The following ACADS variants were observed in gnomAD, a reference collection of about 807,000 sequenced individuals.
ACADS encodes the protein short-chain specific acyl-CoA dehydrogenase, mitochondrial.
A neutral mutation model predicts 46.8 loss-of-function variants in ACADS; 28 were observed. That is an observed-to-expected ratio of 0.60 (90% CI 0.44 to 0.82). The LOEUF is 0.82. Ranked by LOEUF, ACADS falls within the 40% of genes least tolerant of loss-of-function variation. ACADS has a pLI of 0.00. For synonymous variants in ACADS, 236 were observed against 237.7 expected (o/e 0.99, Z 0.07); for missense variants, 528 against 578.0 (o/e 0.91, Z 0.89).
At position 120,726,940 on chromosome 12, in the gene ACADS, A is replaced by C; in HGVS notation, c.47-86A>C. On this transcript the variant is annotated intron_variant, in intron 1 of 9. Coordinates refer to ENST00000242592, the MANE Select transcript of ACADS (RefSeq NM_000017.4). ...TTGCCAGATGTCCCTTGGAGGGCAA[A>C]ATCCTCCCTGGTGAGTTAGTGGGTC... 3 of 1,526,512 alleles carry C rather than the reference A, an allele frequency of 2.0e-6. No homozygotes were observed. The South Asian group carries it at 3.4e-5, about 17-fold the overall frequency. The allele number at this position is 1,526,512 out of a possible 1,614,324, so 94.6% of individuals were successfully genotyped here.
chr12:120,734,378 G>A (rs1883360147), intron 2 of ACADS, among the ~76,000 whole-genome samples: 1 of 152,150 alleles, frequency 6.6e-6, no homozygotes, highest in African/African-American at 2.4e-5. Context: ...AGAGCTTGAT[G>A]TGCACTTGTG....
At chr12:120,729,203 G>A (rs914356634) in intron 2 of ACADS, among the ~76,000 whole-genome samples, 3 of 151,930 alleles carry the variant, frequency 2.0e-5, no homozygotes, top group African/African-American at 7.3e-5. Context: ...GGTCAGAAAC[G>A]ATGGACAAAC....
At chr12:120,730,658 A>G (rs1419989679) in intron 2 of ACADS, among the ~76,000 whole-genome samples, 1 of 152,166 alleles carries the variant, frequency 6.6e-6, no homozygotes, top group Non-Finnish European at 1.5e-5. Flanking sequence ...GGAGAGTTTC[A>G]TCCTTTTACT....
rs2136940528 is a variant in ACADS, at chr12:120,728,480, T to TG, written c.210+1291_210+1292insG. Among the ~76,000 whole-genome samples, 1 of 151,286 alleles carries TG rather than the reference T, an allele frequency of 6.6e-6. No homozygotes were observed. Among genetic ancestry groups the TG allele is most frequent in the African/African-American group, 2.4e-5 (1 of 41,360 alleles). Reference sequence around the variant, plus strand: ...GGCCTCTTCTCCTTGCCTGTTTTTTTTTTTAATTTTAATTTTAATTTATTT... The same window carrying TG: ...GGCCTCTTCTCCTTGCCTGTTTTTTTGTTTTAATTTTAATTTTAATTTATTT... On this transcript the variant is annotated intron_variant, in intron 2 of 9. Transcript: ENST00000242592. This position sits in a 1 kb window ranked among gnomAD's most constrained non-coding sequence, Gnocchi z 4.0.
chr12:120,734,777 A>T (rs1303116606), intron 2 of ACADS, among the ~76,000 whole-genome samples: 2 of 145,576 alleles, frequency 1.4e-5, no homozygotes, highest in African/African-American at 5.1e-5. Flanking sequence ...TTTGAGACAG[A>T]TTCTCGCTCT....
chr12:120,738,379 A>G lies in ACADS; in HGVS notation c.724A>G (p.Ile242Val). The G allele has an allele frequency of 6.2e-7, 1 of 1,613,856 alleles. No homozygotes were observed. The highest frequency in any genetic ancestry group is 8.5e-7 in the Non-Finnish European group (1 of 1,179,848). Residue 242 changes from isoleucine to valine, a missense_variant, in exon 6 of 10, where the codon ATC (isoleucine) becomes GTC (valine). Physicochemically the swap from Ile to Val is conservative, Grantham distance 29. Transcript: ENST00000242592. ...GIRGSSTANL[I>V]FEDCRIPKDS... ...CCGGGGCTCATCCACGGCCAACCTCATCTTTGAGGACTGTCGCATCCCCAA... is the reference window on the plus strand; with the variant it reads ...CCGGGGCTCATCCACGGCCAACCTCGTCTTTGAGGACTGTCGCATCCCCAA...
At position 120,725,834 on chromosome 12, in the gene ACADS, A is replaced by G; in HGVS notation, c.-52A>G. ...GGGTCCCGCCCCCCAGCACTCCGGA[A>G]CAGCGCGCTCGCAGCGGGAGGTCGC... is the stretch of plus-strand genomic sequence containing the variant. On this transcript the variant is annotated 5_prime_UTR_variant, in exon 1 of 10. Coordinates refer to ENST00000242592, the MANE Select transcript of ACADS (RefSeq NM_000017.4). 1 of 1,521,400 alleles carries G rather than the reference A, an allele frequency of 6.6e-7. No individual in the cohort carries two copies. Among genetic ancestry groups the G allele is most frequent in the Non-Finnish European group, 8.8e-7 (1 of 1,139,878 alleles). The allele number at this position is 1,521,400 out of a possible 1,614,324, so 94.2% of individuals were successfully genotyped here.
At chr12:120,727,632 G>A (rs773366310) in intron 2 of ACADS, among the ~76,000 whole-genome samples, 1 of 152,218 alleles carries the variant, frequency 6.6e-6, no homozygotes, top group Admixed American at 6.5e-5. Context: ...TGCCTCCTGA[G>A]TTCAAGTGAT....
chr12:120,738,634 C>T lies in ACADS; in HGVS notation c.897C>T (p.Ala299=). The stretch of plus-strand genomic sequence containing the variant: ...TGAACTACGCTGAGAATCGCATGGC[C>T]TTCGGGGCGCCCCTCACCAAGCTCC... ...CAVNYAENRM[A]FGAPLTKLQV... is the part of the protein sequence containing the mutation. Residue 299 remains alanine (A), a synonymous_variant, in exon 7 of 10, where the codon GCC becomes GCT. Transcript: ENST00000242592. The T allele has an allele frequency of 6.2e-7, 1 of 1,612,986 alleles. No individual in the cohort carries two copies.
intron 1 of ACADS, among the ~76,000 whole-genome samples, 183 bp from the exon 2 acceptor site, chr12:120,726,843 C>T (rs756057115): frequency 5.9e-5 from 9 of 152,134 alleles, no homozygotes; most frequent in Non-Finnish European, 1.0e-4. Flanking sequence ...GCAGGGATCC[C>T]GGACCCCTAT....
chr12:120,736,532 C>T (rs1883442036), intron 2 of ACADS, among the ~76,000 whole-genome samples: 1 of 152,188 alleles, frequency 6.6e-6, no homozygotes, highest in South Asian at 2.1e-4. Context: ...AGCAGCGAGG[C>T]CTGAGCTGCG....
intron 2 of ACADS, among the ~76,000 whole-genome samples, chr12:120,735,338 G>T (rs1236090317): frequency 7.2e-6 from 1 of 138,048 alleles, no homozygotes; most frequent in Non-Finnish European, 1.5e-5. Context: ...GAGTCACTGT[G>T]CGCAGTCCTT....
At position 120,727,126 on chromosome 12, in the gene ACADS, C is replaced by T. The variant is rs202193021; in HGVS notation, c.147C>T (p.Ala49=). The T allele has an allele frequency of 6.8e-6, 11 of 1,614,166 alleles. No homozygotes were observed. The highest frequency in any genetic ancestry group is 2.2e-5 in the East Asian group (1 of 44,880). The change falls in exon 2 of 10, where the codon GCC becomes GCT. Residue 49 remains alanine, a synonymous_variant. Transcript: ENST00000242592. ...QMLLQTCRDF[A]EKELFPIAAQ... is the part of the protein sequence containing the mutation. ...TGCTCCAGACATGCCGGGACTTTGC[C>T]GAGAAGGAGTTGTTTCCCATTGCAG... is the stretch of plus-strand genomic sequence containing the variant.
At chr12:120,734,646 G>A (rs915904803) in intron 2 of ACADS, among the ~76,000 whole-genome samples, 7 of 151,920 alleles carry the variant, frequency 4.6e-5, no homozygotes, top group African/African-American at 7.3e-5. Flanking sequence ...GTGGTGGCTC[G>A]TGCCTCTAAT....
chr12:120,739,080 G>C, intron 8 of ACADS, 60 bp from the exon 9 acceptor site: 1 of 1,606,630 alleles, frequency 6.2e-7, no homozygotes, highest in Non-Finnish European at 8.5e-7. Flanking sequence ...GAGGGAGTGG[G>C]GGAGCAGGGG....
chr12:120,726,532 C>T (rs1883089732), intron 1 of ACADS, among the ~76,000 whole-genome samples: 1 of 152,206 alleles, frequency 6.6e-6, no homozygotes, highest in Non-Finnish European at 1.5e-5. Context: ...GGGAACGCTA[C>T]TGAGAACTGT....
Position 120,725,936 on chromosome 12 carries a change from G to T in ACADS, c.46+5G>T. 1 of 1,546,252 alleles carries T rather than the reference G, an allele frequency of 6.5e-7. No homozygotes were observed. ...CCTCGGGCCCTGCCCGCAGAGGTGA[G>T]TGCGCTGGGGATCCGTACGGCGGGG... On this transcript the variant is annotated splice_donor_5th_base_variant and intron_variant, in intron 1 of 9. Coordinates refer to ENST00000242592, the MANE Select transcript of ACADS (RefSeq NM_000017.4).
chr12:120,736,452 C>T (rs1194378120), intron 2 of ACADS, among the ~76,000 whole-genome samples: 3 of 152,194 alleles, frequency 2.0e-5, no homozygotes, highest in Admixed American at 2.0e-4. Flanking sequence ...CTGAGAAATT[C>T]CAGCCGCAGA....
chr12:120,737,869 A>C lies in ACADS; in HGVS notation c.505A>C (p.Thr169Pro), dbSNP rs777002501. The stretch of plus-strand genomic sequence containing the variant: ...CAGTGATGCAGGAGCTGCGTCCACC[A>C]CCGCCCGGGCCGAGGGCGACTCATG... ...NGSDAGAASTTARAEGDSWVL... is the reference protein window; with the variant it reads ...NGSDAGAASTPARAEGDSWVL... Residue 169 changes from threonine to proline, a missense_variant, in exon 5 of 10, where the codon ACC (threonine) becomes CCC (proline). Coordinates refer to ENST00000242592, the MANE Select transcript of ACADS (RefSeq NM_000017.4). 2.5e-5 allele frequency: 40 copies of C among 1,613,798 alleles called. 2 individuals carry two copies. In the South Asian group the frequency reaches 4.4e-4, roughly 18 times the overall value.
Sources: allele counts gnomAD v4.1 joint callset (sites outside exome capture counted in the v4.1 genomes callset), GRCh38; gene constraint gnomAD v4.1.1; non-coding constraint Gnocchi (gnomAD v3.1); transcripts MANE v1.5; gene names NCBI Gene and HGNC (gene_info 2026-07-23, HGNC 2026-07-21).